The following UACA variants were observed in gnomAD, a reference collection of about 807,000 sequenced individuals.
The protein encoded by UACA is uveal autoantigen with coiled-coil domains and ankyrin repeats, also known as nuclear membrane binding protein.
Under a neutral mutation model 160.5 loss-of-function variants are expected in UACA, and 112 were observed. The observed-to-expected ratio is 0.70, with a 90% CI of 0.60 to 0.82. UACA has a LOEUF of 0.82. Ranked by LOEUF, UACA falls within the 40% of genes least tolerant of loss-of-function variation. The pLI, the probability that UACA is intolerant of heterozygous loss-of-function variation, is 0.00. For synonymous variants in UACA, 557 were observed against 568.4 expected (o/e 0.98, Z 0.29); for missense variants, 1,574 against 1,614.6 (o/e 0.97, Z 0.43).
chr15:70,752,182 G>A (rs147988098), intron 1 of UACA, among the ~76,000 whole-genome samples: 5,744 of 149,052 alleles, frequency 0.039, 174 homozygotes, highest in Non-Finnish European at 0.061. Flanking sequence ...AGGTTGCGGC[G>A]AGCCAAGATC....
chr15:70,704,872 G>GGC (rs1898480005), intron 1 of UACA, among the ~76,000 whole-genome samples: 1 of 152,170 alleles, frequency 6.6e-6, no homozygotes, highest in Non-Finnish European at 1.5e-5. Context: ...CAGATTCAGA[G>GGC]AGACCCCAGG....
intron 1 of UACA, among the ~76,000 whole-genome samples, chr15:70,755,436 G>A (rs1054516094): frequency 4.6e-5 from 7 of 151,850 alleles, no homozygotes; most frequent in African/African-American, 9.7e-5. Flanking sequence ...TAGGGAGGCC[G>A]AGGTGGGTGG....
upstream of UACA, among the ~76,000 whole-genome samples, chr15:70,767,023 G>C (rs1246843964): frequency 6.6e-6 from 1 of 150,584 alleles, no homozygotes; most frequent in Non-Finnish European, 1.5e-5. Context: ...GGTGGATCAC[G>C]GGGTCAGGAG....
intron 13 of UACA, among the ~76,000 whole-genome samples, chr15:70,674,693 A>G (rs1408205812): frequency 1.3e-5 from 2 of 151,956 alleles, no homozygotes; most frequent in East Asian, 1.9e-4. Context: ...CACCTCCCAG[A>G]TTCAAGCAAT....
At chr15:70,742,685 T>A (rs2141003612) in intron 1 of UACA, among the ~76,000 whole-genome samples, 1 of 152,340 alleles carries the variant, frequency 6.6e-6, no homozygotes, top group Middle Eastern at 3.4e-3. Context: ...TCTTTGTATA[T>A]CCCCTGCAGG....
intron 2 of UACA, among the ~76,000 whole-genome samples, chr15:70,697,821 T>C (rs1227340913): frequency 1.3e-5 from 2 of 152,080 alleles, no homozygotes; most frequent in African/African-American, 2.4e-5. Context: ...GAGGCTGAGG[T>C]GGGCACATCA....
intron 1 of UACA, chr15:70,754,291 A>G (rs2030282556): frequency 5.7e-6 from 2 of 350,404 alleles, no homozygotes; most frequent in South Asian, 4.4e-5. Context: ...CAAAAGCTAC[A>G]TGCATTCAGC....
intron 7 of UACA, among the ~76,000 whole-genome samples, chr15:70,686,805 A>C (rs1157679033): frequency 6.6e-6 from 1 of 152,192 alleles, no homozygotes; most frequent in Non-Finnish European, 1.5e-5. Flanking sequence ...CAGAAATTTT[A>C]GTTTAATTTA....
chr15:70,674,002 T>C (rs921067487), intron 13 of UACA, among the ~76,000 whole-genome samples: 2 of 152,086 alleles, frequency 1.3e-5, no homozygotes, highest in Non-Finnish European at 2.9e-5. Context: ...GCTGGGATTA[T>C]AGGCATGCAC....
At chr15:70,766,037 G>A (rs2031002107), upstream of UACA, among the ~76,000 whole-genome samples, 1 of 152,232 alleles carries the variant, frequency 6.6e-6, no homozygotes, top group Non-Finnish European at 1.5e-5. Flanking sequence ...GAAACAGACA[G>A]AACCACAAGT....
the UACA span, among the ~76,000 whole-genome samples, chr15:70,774,117 T>C: frequency 6.6e-6 from 1 of 152,224 alleles, no homozygotes; most frequent in Non-Finnish European, 1.5e-5. Context: ...GATATTACCA[T>C]GTGCCAAGCA....
chr15:70,693,744 T>A (rs1259460859), intron 3 of UACA, among the ~76,000 whole-genome samples: 1 of 151,912 alleles, frequency 6.6e-6, no homozygotes, highest in Non-Finnish European at 1.5e-5. Flanking sequence ...GCAGAAAGAA[T>A]ACAGACAAAA....
chr15:70,688,821 A>G (rs972662633), intron 5 of UACA, among the ~76,000 whole-genome samples: 28 of 152,154 alleles, frequency 1.8e-4, no homozygotes, highest in South Asian at 2.1e-4. Flanking sequence ...GTTTGTTTAT[A>G]TATCCTCTCC....
chr15:70,745,428 T>C (rs1335550995), intron 1 of UACA, among the ~76,000 whole-genome samples: 18 of 131,888 alleles, frequency 1.4e-4, no homozygotes, highest in Admixed American at 1.1e-3. Flanking sequence ...AGCAAGACTC[T>C]GTCTCAAAAA....
chr15:70,763,503 G>C lies in UACA; in HGVS notation c.-96C>G, dbSNP rs954161734. The C allele has an allele frequency of 7.2e-6, 9 of 1,256,412 alleles. No individual in the cohort carries two copies. The highest frequency in any genetic ancestry group is 1.6e-5 in the African/African-American group (1 of 64,400). 77.8% of individuals were successfully genotyped at this position (1,256,412 alleles called of 1,614,324 possible). A position where few individuals can be genotyped will look rare whatever the true frequency, so the allele number is the denominator to read the frequency against. On this transcript the variant is annotated 5_prime_UTR_variant, in exon 1 of 19. Transcript: ENST00000322954. The stretch of plus-strand genomic sequence containing the variant: ...CAGCGGCTGCAGCAGAGGCGGCGCG[G>C]GCTGTACCAGCCCCACCTGCCTGCC...
At chr15:70,701,469 C>G (rs1898362476) in intron 1 of UACA, among the ~76,000 whole-genome samples, 1 of 152,148 alleles carries the variant, frequency 6.6e-6, no homozygotes, top group Non-Finnish European at 1.5e-5. Context: ...AAAACAATCT[C>G]CAGTTTATTT....
At chr15:70,753,690 G>C (rs2030230017) in intron 1 of UACA, among the ~76,000 whole-genome samples, 1 of 152,158 alleles carries the variant, frequency 6.6e-6, no homozygotes, top group Non-Finnish European at 1.5e-5. Flanking sequence ...ATAAATCTTG[G>C]CTATCAGCAC....
At chr15:70,757,412 T>G (rs2030496140) in intron 1 of UACA, among the ~76,000 whole-genome samples, 1 of 152,214 alleles carries the variant, frequency 6.6e-6, no homozygotes, top group Non-Finnish European at 1.5e-5. Flanking sequence ...AGACTCTAGA[T>G]TCATTAATTC....
At chr15:70,737,748 AGTCT>A (rs1341020361) in intron 1 of UACA, among the ~76,000 whole-genome samples, 1 of 152,202 alleles carries the variant, frequency 6.6e-6, no homozygotes, top group African/African-American at 2.4e-5. Context: ...AACACTTGTT[AGTCT>A]ATTTGCTTAT....
Sources: allele counts gnomAD v4.1 joint callset (sites outside exome capture counted in the v4.1 genomes callset), GRCh38; gene constraint gnomAD v4.1.1; transcripts MANE v1.5; gene names NCBI Gene and HGNC (gene_info 2026-07-23, HGNC 2026-07-21).